The following NEO1 variants were observed in gnomAD, a reference collection of about 807,000 sequenced individuals.
The protein encoded by NEO1 is neogenin.
In NEO1, 63 loss-of-function variants were observed where a neutral mutation model predicts 159.7. The ratio of observed to expected loss-of-function variants is 0.39; its 90% confidence interval spans 0.32 to 0.49. The LOEUF (loss-of-function observed/expected upper bound fraction) is 0.49. Ranked by LOEUF, NEO1 falls within the 20% of genes least tolerant of loss-of-function variation. The pLI, the probability that NEO1 is intolerant of heterozygous loss-of-function variation, is 0.85. For missense variants in NEO1, 1,615 were observed against 1,831.0 expected (o/e 0.88, Z 2.15); for synonymous variants, 633 against 662.0 (o/e 0.96, Z 0.67).
At chr15:73,245,321 G>A (rs756088870) in intron 9 of NEO1, among the ~76,000 whole-genome samples, 1 of 152,106 alleles carries the variant, frequency 6.6e-6, no homozygotes, top group African/African-American at 2.4e-5. Flanking sequence ...TCTCCTTGAG[G>A]CTTTATTTTG....
intron 5 of NEO1, among the ~76,000 whole-genome samples, chr15:73,150,663 G>A (rs1311694878): frequency 6.6e-6 from 1 of 152,018 alleles, no homozygotes; most frequent in Non-Finnish European, 1.5e-5. Flanking sequence ...TATATACAGT[G>A]TAATGCACAA....
chr15:73,176,642 ATAT>A, intron 6 of NEO1, 85 bp downstream of exon 6: 1 of 1,027,702 alleles, frequency 9.7e-7, no homozygotes, highest in Non-Finnish European at 1.4e-6. Flanking sequence ...GTTATCTTAT[ATAT>A]ACTAGTTTGT....
chr15:73,105,109 ATCTAC>A (rs1485652011), intron 1 of NEO1, among the ~76,000 whole-genome samples: 1 of 152,212 alleles, frequency 6.6e-6, no homozygotes, highest in Non-Finnish European at 1.5e-5. Flanking sequence ...GAAAAATCTT[ATCTAC>A]TCAGTATCAG....
rs1182899746 is a variant in NEO1 at position 73,124,815 on chromosome 15, C to T, written c.725-1602C>T. ...CTCCCTCATTAGTATGTAAGCTCAA[C>T]CAGAGCAGGGAATTTTTGTCTGCTG... is the stretch of plus-strand genomic sequence containing the variant. On this transcript the variant is annotated intron_variant, in intron 3 of 28. Transcript: ENST00000261908. Among the ~76,000 whole-genome samples the T allele has an allele frequency of 5.3e-5, 8 of 152,150 alleles. No homozygotes were observed. In the East Asian group the frequency reaches 1.5e-3, roughly 29 times the overall value.
Position 73,080,636 on chromosome 15 carries a change from C to T in NEO1, c.130+27831C>T, listed in dbSNP as rs202194866. ...TTGGGTGTTGATTTCTAATTGTGGCCGAGGTAGATTTGGTTAGTGGATTAA... is the reference window on the plus strand; with the variant it reads ...TTGGGTGTTGATTTCTAATTGTGGCTGAGGTAGATTTGGTTAGTGGATTAA... On this transcript the variant is annotated intron_variant, in intron 1 of 28. Coordinates refer to ENST00000261908, the MANE Select transcript of NEO1 (RefSeq NM_002499.4). Among the ~76,000 whole-genome samples, 15 of 151,788 alleles carry T rather than the reference C, an allele frequency of 9.9e-5. 1 individual carries two copies. In the East Asian group the frequency reaches 1.5e-3, roughly 16 times the overall value.
chr15:73,225,835 A>G (rs924881712), intron 7 of NEO1, among the ~76,000 whole-genome samples: 6 of 151,864 alleles, frequency 4.0e-5, no homozygotes, highest in Non-Finnish European at 7.4e-5. Context: ...AATTGTTACA[A>G]AGTTCAGCTG....
intron 7 of NEO1, among the ~76,000 whole-genome samples, chr15:73,211,254 A>G (rs2152088175): frequency 1.3e-5 from 2 of 152,366 alleles, no homozygotes; most frequent in Middle Eastern, 6.8e-3. Context: ...ATGCAGAACC[A>G]TGATCCCTAA....
chr15:73,085,598 T>C (rs374918653), intron 1 of NEO1, among the ~76,000 whole-genome samples: 30 of 152,328 alleles, frequency 2.0e-4, no homozygotes, highest in Non-Finnish European at 3.2e-4. Flanking sequence ...CAACAGTGTA[T>C]GGGAGTTATA....
intron 7 of NEO1, among the ~76,000 whole-genome samples, chr15:73,219,662 C>G (rs1395887820): frequency 1.4e-5 from 2 of 138,986 alleles, no homozygotes; most frequent in Non-Finnish European, 3.1e-5. Context: ...GAATTGATCT[C>G]TTTACCATTA....
chr15:73,073,767 G>C (rs2068644694), intron 1 of NEO1, among the ~76,000 whole-genome samples: 1 of 152,200 alleles, frequency 6.6e-6, no homozygotes, highest in Admixed American at 6.5e-5. Context: ...TGACCAGAGA[G>C]GTAGGATTAC....
At chr15:73,126,828 G>A (rs1177098515) in intron 4 of NEO1, among the ~76,000 whole-genome samples, 2 of 152,118 alleles carry the variant, frequency 1.3e-5, no homozygotes, top group Admixed American at 1.3e-4. Flanking sequence ...TAAGTCTTCA[G>A]GATTTTCTTC....
chr15:73,054,924 T>C (rs150306352), intron 1 of NEO1, among the ~76,000 whole-genome samples: 198 of 152,324 alleles, frequency 1.3e-3, no homozygotes, highest in African/African-American at 4.4e-3. Flanking sequence ...CTTATAAATC[T>C]TTTTATAGGG....
At position 73,303,340 on chromosome 15, in the gene NEO1, C is replaced by G. The variant is rs570283721; in HGVS notation, c.*644C>G. ...GAAATGTTGCATTGCTGTTTGTAAGCTTTTTTTATTATTTTTTTATTATAA... is the reference window on the plus strand; with the variant it reads ...GAAATGTTGCATTGCTGTTTGTAAGGTTTTTTTATTATTTTTTTATTATAA... On this transcript the variant is annotated 3_prime_UTR_variant, in exon 29 of 29. Coordinates refer to ENST00000261908, the MANE Select transcript of NEO1 (RefSeq NM_002499.4). The G allele has an allele frequency of 2.0e-5, 3 of 152,502 alleles. No individual in the cohort carries two copies. Among genetic ancestry groups the G allele is most frequent in the South Asian group, 4.2e-4 (2 of 4,818 alleles). 9.4% of individuals were successfully genotyped at this position (152,502 alleles called of 1,614,324 possible).
chr15:73,249,356 C>G, intron 10 of NEO1, 148 bp downstream of exon 10: 2 of 1,056,924 alleles, frequency 1.9e-6, no homozygotes, highest in Non-Finnish European at 2.7e-6. Context: ...TTCTTTGTAC[C>G]AAGATTTATT....
intron 1 of NEO1, among the ~76,000 whole-genome samples, chr15:73,066,035 CTT>C (rs11400510): frequency 3.6e-5 from 5 of 139,740 alleles, no homozygotes; most frequent in Non-Finnish European, 4.7e-5. Flanking sequence ...TCTTTCTTTT[CTT>C]TTTTTTTTTT....
At chr15:73,138,068 A>G (rs2031956601) in intron 5 of NEO1, among the ~76,000 whole-genome samples, 2 of 152,226 alleles carry the variant, frequency 1.3e-5, no homozygotes, top group South Asian at 2.1e-4. Context: ...AGACTGTTAA[A>G]TAGGTGAAAG....
intron 1 of NEO1, among the ~76,000 whole-genome samples, chr15:73,080,109 A>G (rs755711720): frequency 2.0e-5 from 3 of 152,210 alleles, no homozygotes; most frequent in Admixed American, 6.5e-5. Context: ...ATTGATGGCA[A>G]TAAGCTTCAG....
intron 11 of NEO1, among the ~76,000 whole-genome samples, chr15:73,250,420 C>A (rs2040014275): frequency 6.6e-6 from 1 of 152,072 alleles, no homozygotes; most frequent in Non-Finnish European, 1.5e-5. Flanking sequence ...TATGTGTATA[C>A]CGCTCTTACG....
intron 1 of NEO1, among the ~76,000 whole-genome samples, chr15:73,094,889 C>T (rs982977944): frequency 2.6e-5 from 4 of 152,196 alleles, no homozygotes; most frequent in Non-Finnish European, 5.9e-5. Flanking sequence ...GTCTGTTTCT[C>T]TGTTGCTATT....
Sources: allele counts gnomAD v4.1 joint callset (sites outside exome capture counted in the v4.1 genomes callset), GRCh38; gene constraint gnomAD v4.1.1; transcripts MANE v1.5; gene names NCBI Gene and HGNC (gene_info 2026-07-23, HGNC 2026-07-21).